SHF: variants seen among roughly 807,000 people sequenced by gnomAD.
The protein encoded by SHF is SH2 domain-containing adapter protein F.
A neutral mutation model predicts 42.4 loss-of-function variants in SHF; 30 were observed. That is an observed-to-expected ratio of 0.71 (90% CI 0.53 to 0.96). The LOEUF (loss-of-function observed/expected upper bound fraction) is 0.96. Ranked by LOEUF, SHF falls within the 40% of genes least tolerant of loss-of-function variation. The pLI, the probability that SHF is intolerant of heterozygous loss-of-function variation, is 0.00. For missense variants in SHF, 598 were observed against 634.0 expected (o/e 0.94, Z 0.61); for synonymous variants, 264 against 269.9 (o/e 0.98, Z 0.21).
chr15:45,199,495 C>G (rs775667721), intron 1 of SHF, among the ~76,000 whole-genome samples: 60 of 152,294 alleles, frequency 3.9e-4, no homozygotes, highest in Middle Eastern at 3.4e-3. Flanking sequence ...TATGCAGAGC[C>G]GCGGGAGGGA....
intron 1 of SHF, among the ~76,000 whole-genome samples, chr15:45,186,755 C>T (rs1215532435): frequency 1.3e-5 from 2 of 152,250 alleles, no homozygotes; most frequent in African/African-American, 4.8e-5. Flanking sequence ...TGAGCACTGA[C>T]TATCCTCATA....
chr15:45,198,768 T>G lies in SHF; in HGVS notation c.303+4A>C, dbSNP rs529536925. The G allele has an allele frequency of 1.9e-4, 299 of 1,606,944 alleles. 3 individuals are homozygous for G. In the South Asian group the frequency reaches 3.1e-3, roughly 17 times the overall value. ...GTTTGCGCGTCATTAAATGGCCTAC[T>G]TACGGGGCGAGGTTCCAGCCTGTCC... On this transcript the variant is annotated splice_donor_region_variant and intron_variant, in intron 2 of 7. Coordinates refer to the SHF transcript ENST00000290894.
upstream of SHF, among the ~76,000 whole-genome samples, chr15:45,190,673 A>G (rs1302690338): frequency 1.3e-5 from 2 of 152,164 alleles, no homozygotes; most frequent in African/African-American, 2.4e-5. Flanking sequence ...CAGATGAAGC[A>G]AAGGAGTGAA....
At chr15:45,196,534 A>G (rs1388440293) in intron 2 of SHF, among the ~76,000 whole-genome samples, 1 of 152,202 alleles carries the variant, frequency 6.6e-6, no homozygotes, top group East Asian at 1.9e-4. Flanking sequence ...GGTCCTTCCT[A>G]GCATTTCATC....
Position 45,167,966 on chromosome 15 carries a change from A to G in SHF, c.1448T>C (p.Val483Ala), listed in dbSNP as rs757127914. 6.2e-7 allele frequency: 1 copy of G among 1,609,378 alleles called. No individual in the cohort carries two copies. The highest frequency in any genetic ancestry group is 8.5e-7 in the Non-Finnish European group (1 of 1,177,160). Residue 483 changes from valine (V) to alanine (A), a missense_variant, in exon 7 of 7, where the codon GTG (valine) becomes GCG (alanine). Val to Ala is a moderately conservative substitution (Grantham distance 64). Around this residue, in one of 2 missense-constraint regions of SHF, gnomAD observed 439 missense variants for 524.6 expected, o/e 0.84. Transcript: ENST00000690270. ...GAEHMSLLYP[V>A]AIRTL is the part of the protein sequence containing the mutation. ...TCACATCTAAAGAGTCCGGATGGCCACAGGGTAGAGCAGGGACATGTGTTC... is the reference window on the plus strand; with the variant it reads ...TCACATCTAAAGAGTCCGGATGGCCGCAGGGTAGAGCAGGGACATGTGTTC...
rs1372502007 is a variant in SHF, at chr15:45,187,690, C to T, written c.262G>A (p.Ala88Thr). The change falls in exon 1 of 7, where the codon GCG (alanine) becomes ACG (threonine). Residue 88 changes from alanine (A) to threonine (T), a missense_variant. Physicochemically the swap from Ala to Thr is moderately conservative, Grantham distance 58 (BLOSUM62 0). Around this residue, in one of 2 missense-constraint regions of SHF, gnomAD observed 159 missense variants for 109.3 expected, o/e 1.45. Coordinates refer to ENST00000690270, the MANE Select transcript of SHF (RefSeq NM_001394037.1). Reference sequence around the variant, plus strand: ...GCGGCCAGGATGTCCGGGGGCGGCGCGGGGGGCGCGGCCGGAGAGGGCGCA... The same window carrying T: ...GCGGCCAGGATGTCCGGGGGCGGCGTGGGGGGCGCGGCCGGAGAGGGCGCA... ...PPAPSPAAPP[A>T]PPPDILAAYR... is the part of the protein sequence containing the mutation. 2 of 1,199,166 alleles carry T rather than the reference C, an allele frequency of 1.7e-6. No homozygotes were observed. The highest frequency in any genetic ancestry group is 2.1e-6 in the Non-Finnish European group (2 of 964,300). 74.3% of individuals were successfully genotyped at this position (1,199,166 alleles called of 1,614,324 possible).
At chr15:45,189,757 T>C (rs1014002856), upstream of SHF, among the ~76,000 whole-genome samples, 1 of 151,336 alleles carries the variant, frequency 6.6e-6, no homozygotes, top group Non-Finnish European at 1.5e-5. Flanking sequence ...GCGGGGGGTG[T>C]AAAGAAGGAT....
At chr15:45,191,809 C>G (rs1339065159), upstream of SHF, among the ~76,000 whole-genome samples, 1 of 151,814 alleles carries the variant, frequency 6.6e-6, no homozygotes, top group African/African-American at 2.4e-5. Context: ...ATACTGGAGG[C>G]TGGGCACAGT....
At chr15:45,171,617 CTG>C in intron 6 of SHF, 1 of 507,414 alleles carries the variant, frequency 2.0e-6, no homozygotes, top group East Asian at 3.2e-5. Context: ...AGTAAGGAAA[CTG>C]AGGCCTAGAG....
At chr15:45,179,278 C>T (rs1212438928) in intron 1 of SHF, among the ~76,000 whole-genome samples, 2 of 152,218 alleles carry the variant, frequency 1.3e-5, no homozygotes, top group African/African-American at 4.8e-5. Context: ...GTGGAGGAAC[C>T]AGGTGATTGG....
At position 45,171,898 on chromosome 15, in the gene SHF, A is replaced by C. The variant is rs1210616404; in HGVS notation, c.1265T>G (p.Phe422Cys). The C allele has an allele frequency of 4.3e-6, 7 of 1,613,192 alleles. No homozygotes were observed. ...CCCCACTCACTTGAGGGAGAGGGAGAAGTCATTCTTGCTGGTCTCACTGTT... is the reference window on the plus strand; with the variant it reads ...CCCCACTCACTTGAGGGAGAGGGAGCAGTCATTCTTGCTGGTCTCACTGTT... ...VRNSETSKND[F>C]SLSLKSSQGF... The change falls in exon 6 of 7, where the codon TTC (phenylalanine) becomes TGC (cysteine). Residue 422 changes from phenylalanine (F) to cysteine (C), a missense_variant. This residue lies in a region of SHF where 439 missense variants were observed against 524.6 expected (regional missense o/e 0.84). Transcript: ENST00000690270.
upstream of SHF, chr15:45,187,979 C>T (rs773178328): frequency 9.5e-6 from 10 of 1,054,666 alleles, no homozygotes; most frequent in Non-Finnish European, 1.1e-5. Context: ...GCGAGGGGAG[C>T]GCAGCGGCGG....
At chr15:45,190,858 A>T (rs1227175026), upstream of SHF, among the ~76,000 whole-genome samples, 1 of 152,092 alleles carries the variant, frequency 6.6e-6, no homozygotes, top group Non-Finnish European at 1.5e-5. Context: ...AATTATAAAA[A>T]CTTGTGTGCA....
chr15:45,184,939 C>A (rs1438149226), intron 1 of SHF, among the ~76,000 whole-genome samples: 1 of 152,238 alleles, frequency 6.6e-6, no homozygotes, highest in Non-Finnish European at 1.5e-5. Flanking sequence ...CCAGGGTGGG[C>A]TGGCAGCCAG....
Position 45,173,564 on chromosome 15 carries a change from C to T in SHF, c.988+12G>A, listed in dbSNP as rs1261978039. On this transcript the variant is annotated intron_variant, in intron 4 of 6. Coordinates refer to ENST00000690270, the MANE Select transcript of SHF (RefSeq NM_001394037.1). ...GACATGTCACCCTGGCCAGAAGCCCCCCAGGACCCACCGCTGCTGTCCTCC... is the reference window on the plus strand; with the variant it reads ...GACATGTCACCCTGGCCAGAAGCCCTCCAGGACCCACCGCTGCTGTCCTCC... 2 of 1,505,526 alleles carry T rather than the reference C, an allele frequency of 1.3e-6. No individual in the cohort carries two copies. The highest frequency in any genetic ancestry group is 1.8e-6 in the Non-Finnish European group (2 of 1,126,618). The allele number at this position is 1,505,526 out of a possible 1,614,324, so 93.3% of individuals were successfully genotyped here.
At chr15:45,196,648 G>A (rs548782296) in intron 2 of SHF, among the ~76,000 whole-genome samples, 93 of 151,996 alleles carry the variant, frequency 6.1e-4, no homozygotes, top group Non-Finnish European at 1.1e-3. Context: ...CTGTAATCCC[G>A]GCACTTTGGG....
chr15:45,198,146 C>A (rs58802265), intron 2 of SHF, among the ~76,000 whole-genome samples: 4,247 of 151,948 alleles, frequency 0.028, 218 homozygotes, highest in African/African-American at 0.1. Flanking sequence ...TGGTGGTGCA[C>A]GCCTGTAGTA....
chr15:45,178,534 C>CTTTTTT (rs3067019), intron 1 of SHF, among the ~76,000 whole-genome samples: 1 of 126,604 alleles, frequency 7.9e-6, no homozygotes, highest in Non-Finnish European at 1.6e-5. Context: ...TTCCTTCTTT[C>CTTTTTT]TTTTTTTTTT....
At chr15:45,170,993 C>T (rs1897457535) in intron 6 of SHF, 1 of 155,846 alleles carries the variant, frequency 6.4e-6, no homozygotes, top group Admixed American at 6.3e-5. Context: ...AATTATCCCC[C>T]AAATATGTCT....
Sources: gnomAD v4.1 joint callset for allele counts (sites outside exome capture counted in the v4.1 genomes callset) on GRCh38, gnomAD v4.1.1 for gene constraint, gnomAD v4.1.1 regional missense constraint, MANE v1.5 for transcripts, NCBI Gene and HGNC (gene_info 2026-07-23, HGNC 2026-07-21) for gene names.